The following GRID1 variants were observed in gnomAD, a reference collection of about 807,000 sequenced individuals.
The protein encoded by GRID1 is glutamate receptor ionotropic, delta-1.
A neutral mutation model predicts 98.0 loss-of-function variants in GRID1; 28 were observed. The observed-to-expected ratio is 0.29, with a 90% CI of 0.21 to 0.39. The LOEUF (loss-of-function observed/expected upper bound fraction) is 0.39. Among genes scored for constraint, GRID1 ranks in the 10% least tolerant of loss-of-function variants. The probability of loss-of-function intolerance (pLI) is 1.00; values close to 1 mark genes in which losing one functional copy is unlikely to be tolerated. For synonymous variants in GRID1, 553 were observed against 538.5 expected, an observed-to-expected ratio of 1.03 and a Z score of -0.37; for missense variants, 1,111 against 1,340.5, an observed-to-expected ratio of 0.83 and a Z score of 2.67.
At chr10:86,303,822 G>A (rs575271144) in intron 2 of GRID1, among the ~76,000 whole-genome samples, 10 of 152,162 alleles carry the variant, frequency 6.6e-5, no homozygotes, top group South Asian at 2.1e-4. Context: ...AGCAGGGCTC[G>A]TCCTGAGCCG....
At chr10:86,034,195 T>C (rs757581618) in intron 4 of GRID1, among the ~76,000 whole-genome samples, 26 of 152,188 alleles carry the variant, frequency 1.7e-4, no homozygotes, top group Non-Finnish European at 3.7e-4. Context: ...TCCTTGTGAG[T>C]TGCCCAGAAA....
At chr10:85,990,438 G>A (rs1842666308) in intron 4 of GRID1, among the ~76,000 whole-genome samples, 1 of 152,200 alleles carries the variant, frequency 6.6e-6, no homozygotes, top group African/African-American at 2.4e-5. Context: ...CTCACTTAAA[G>A]GAGACAATAT....
At chr10:86,342,170 T>G (rs1848319687) in intron 2 of GRID1, among the ~76,000 whole-genome samples, 1 of 152,098 alleles carries the variant, frequency 6.6e-6, no homozygotes, top group South Asian at 2.1e-4. Context: ...CCAAACCAAG[T>G]GCCCCATGTG....
At chr10:85,757,395 G>C (rs1393833189) in intron 8 of GRID1, among the ~76,000 whole-genome samples, 2 of 152,246 alleles carry the variant, frequency 1.3e-5, no homozygotes, top group Admixed American at 1.3e-4. Flanking sequence ...CTGCACATGG[G>C]TGGAGTGAGG....
intron 5 of GRID1, among the ~76,000 whole-genome samples, chr10:85,871,291 G>A (rs1209237100): frequency 1.3e-5 from 2 of 152,152 alleles, no homozygotes; most frequent in African/African-American, 2.4e-5. Context: ...CTTGAATGCT[G>A]TACTGACAGT....
chr10:85,920,899 G>A (rs1203146542), intron 4 of GRID1, among the ~76,000 whole-genome samples: 9 of 152,288 alleles, frequency 5.9e-5, no homozygotes. Flanking sequence ...GTGGGAGCTG[G>A]GAACTAGGGC....
intron 3 of GRID1, among the ~76,000 whole-genome samples, chr10:86,142,356 T>C (rs1845022644): frequency 6.6e-6 from 1 of 152,258 alleles, no homozygotes; most frequent in African/African-American, 2.4e-5. Flanking sequence ...AAACGTTAAG[T>C]GAAAAAGCAA....
intron 4 of GRID1, among the ~76,000 whole-genome samples, chr10:86,039,159 A>G (rs1351537792): frequency 1.3e-5 from 2 of 152,158 alleles, no homozygotes; most frequent in African/African-American, 4.8e-5. Context: ...GCTCAACTAG[A>G]AAGAGAATCA....
intron 2 of GRID1, among the ~76,000 whole-genome samples, chr10:86,259,836 T>G (rs920845951): frequency 1.3e-5 from 2 of 152,176 alleles, no homozygotes; most frequent in Admixed American, 1.3e-4. Context: ...CTCCAAATAG[T>G]GATCAAGAAG....
chr10:85,777,293 T>C (rs1842341183), intron 8 of GRID1, among the ~76,000 whole-genome samples: 1 of 152,222 alleles, frequency 6.6e-6, no homozygotes, highest in African/African-American at 2.4e-5. Flanking sequence ...TCTCCCAGCC[T>C]GTAATATTTC....
intron 4 of GRID1, among the ~76,000 whole-genome samples, chr10:85,991,302 T>A (rs1158997615): frequency 6.6e-6 from 1 of 151,850 alleles, no homozygotes; most frequent in Non-Finnish European, 1.5e-5. Flanking sequence ...TTCTGAGAGG[T>A]GGGCAAAGTA....
At position 86,192,194 on chromosome 10, in the gene GRID1, G is replaced by GCA. The variant is rs145573995; in HGVS notation, c.520+14168_520+14169dup. ...GCAACACACACCCACAGACACCTGC[G>GCA]CACACACACACACATGGAGGCTCCA... is the stretch of plus-strand genomic sequence containing the variant. On this transcript the variant is annotated intron_variant, in intron 3 of 15. Coordinates refer to ENST00000327946, the MANE Select transcript of GRID1 (RefSeq NM_017551.3). The surrounding 1 kb of genome is among the most constrained non-coding windows in gnomAD (Gnocchi z 4.8). Among the ~76,000 whole-genome samples, 5 of 151,134 alleles carry GCA rather than the reference G, an allele frequency of 3.3e-5. No homozygotes were observed. In the East Asian group the frequency reaches 5.8e-4, roughly 18 times the overall value.
intron 2 of GRID1, among the ~76,000 whole-genome samples, chr10:86,343,807 A>G (rs1184375596): frequency 1.3e-5 from 2 of 152,272 alleles, no homozygotes; most frequent in Non-Finnish European, 2.9e-5. Flanking sequence ...AATGACAGTC[A>G]TGGCCCAGCC....
chr10:86,078,709 T>C (rs140551289), intron 4 of GRID1, among the ~76,000 whole-genome samples: 27 of 152,308 alleles, frequency 1.8e-4, no homozygotes, highest in African/African-American at 6.5e-4. Context: ...GGCTGGGCAA[T>C]GGGAGCCAGG....
At chr10:85,763,539 T>C (rs1327665761) in intron 8 of GRID1, among the ~76,000 whole-genome samples, 2 of 152,258 alleles carry the variant, frequency 1.3e-5, no homozygotes, top group Non-Finnish European at 2.9e-5. Flanking sequence ...ACAATTTATC[T>C]GGTTAGGAAA....
intron 13 of GRID1, among the ~76,000 whole-genome samples, chr10:85,627,060 C>T (rs188397430): frequency 6.6e-6 from 1 of 152,198 alleles, no homozygotes; most frequent in East Asian, 1.9e-4. Flanking sequence ...AATTGGGAAT[C>T]AGATAGGTGA....
chr10:86,005,454 G>T (rs1360257208), intron 4 of GRID1, among the ~76,000 whole-genome samples: 1 of 152,178 alleles, frequency 6.6e-6, no homozygotes, highest in Non-Finnish European at 1.5e-5. Flanking sequence ...GAGACTACTG[G>T]TTAATCATGT....
chr10:86,179,752 G>A (rs539248179), intron 3 of GRID1, among the ~76,000 whole-genome samples: 85 of 152,208 alleles, frequency 5.6e-4, no homozygotes, highest in Non-Finnish European at 9.7e-4. Flanking sequence ...ACACATAAAC[G>A]TCGGCTAGGA....
At chr10:85,719,503 G>A (rs1210108058) in intron 12 of GRID1, among the ~76,000 whole-genome samples, 1 of 152,186 alleles carries the variant, frequency 6.6e-6, no homozygotes, top group Non-Finnish European at 1.5e-5. Flanking sequence ...GAGGTGAAAG[G>A]CTCTTCTTAC....
Sources: gnomAD v4.1 joint callset for allele counts (sites outside exome capture counted in the v4.1 genomes callset) on GRCh38, gnomAD v4.1.1 for gene constraint, Gnocchi (gnomAD v3.1) non-coding constraint, MANE v1.5 for transcripts, NCBI Gene and HGNC (gene_info 2026-07-23, HGNC 2026-07-21) for gene names.